Variants in DDAH1 observed in about 807,000 individuals in gnomAD.
DDAH1 encodes the protein dimethylarginine dimethylaminohydrolase 1, also known as N(G),N(G)-dimethylarginine dimethylaminohydrolase 1.
DDAH1 carries 19 observed loss-of-function variants against 28.8 expected under a neutral mutation model. The observed-to-expected ratio is 0.66, with a 90% confidence interval of 0.46 to 0.97. The LOEUF (loss-of-function observed/expected upper bound fraction) is 0.97. Ranked by LOEUF, DDAH1 falls within the 50% of genes least tolerant of loss-of-function variation. The pLI, the probability that DDAH1 is intolerant of heterozygous loss-of-function variation, is 0.00. For synonymous variants in DDAH1, 153 were observed against 154.4 expected (o/e 0.99, Z 0.07); for missense variants, 326 against 375.9 (o/e 0.87, Z 1.10).
intron 1 of DDAH1, among the ~76,000 whole-genome samples, chr1:85,453,533 C>T (rs1654757424): frequency 6.6e-6 from 1 of 152,192 alleles, no homozygotes; most frequent in Admixed American, 6.5e-5. Context: ...TAAGGGAATA[C>T]ATTCCACTCT....
intron 1 of DDAH1, among the ~76,000 whole-genome samples, chr1:85,499,895 C>T (rs1229841376): frequency 2.0e-5 from 3 of 152,152 alleles, no homozygotes; most frequent in Non-Finnish European, 4.4e-5. Context: ...CCACTTCTAG[C>T]ACTAGTCATT....
At chr1:85,415,079 A>T (rs1652833802) in intron 1 of DDAH1, among the ~76,000 whole-genome samples, 1 of 120,352 alleles carries the variant, frequency 8.3e-6, no homozygotes, top group African/African-American at 3.3e-5. Flanking sequence ...CAATGGTGCT[A>T]TCTCGGCTCA....
intron 1 of DDAH1, among the ~76,000 whole-genome samples, chr1:85,382,137 T>C (rs1202377510): frequency 6.6e-6 from 1 of 152,246 alleles, no homozygotes; most frequent in East Asian, 1.9e-4. Context: ...AGGCCTCTCA[T>C]GCCAGTTAGC....
chr1:85,367,558 A>AT (rs1203580092), intron 1 of DDAH1, among the ~76,000 whole-genome samples: 2 of 152,146 alleles, frequency 1.3e-5, no homozygotes, highest in Admixed American at 1.3e-4. Flanking sequence ...GTGCTAAGTG[A>AT]TTTTGCATGG....
At chr1:85,475,250 T>C (rs1655756116) in intron 2 of DDAH1, among the ~76,000 whole-genome samples, 1 of 152,196 alleles carries the variant, frequency 6.6e-6, no homozygotes, top group African/African-American at 2.4e-5. Context: ...AATGAGATGA[T>C]CCATGTAAAG....
In DDAH1 at chr1:85,357,207, A is replaced by G. The variant is rs1649534773; in HGVS notation, c.403+1541T>C. On this transcript the variant is annotated intron_variant, in intron 2 of 5. Transcript: ENST00000284031. ...AGTCTGCTTGGGCACACCCAGAGAT[A>G]AGAATGCAGCGTAGGCCTTCTTGAC... 2.6e-5 allele frequency among the ~76,000 whole-genome samples: 4 copies of G among 152,206 alleles called. No homozygotes were observed. The South Asian group carries it at 8.3e-4, about 31-fold the overall frequency.
chr1:85,330,546 T>G (rs369114933), intron 4 of DDAH1, among the ~76,000 whole-genome samples: 6 of 152,122 alleles, frequency 3.9e-5, no homozygotes. Flanking sequence ...ACCTAAACCC[T>G]CCACACGTCA....
At chr1:85,489,478 A>T (rs932904380) in intron 2 of DDAH1, among the ~76,000 whole-genome samples, 9 of 152,152 alleles carry the variant, frequency 5.9e-5, no homozygotes, top group South Asian at 4.1e-4. Flanking sequence ...GTGGGGTAAG[A>T]GTTTATTTTA....
At chr1:85,345,014 T>G (rs1258118567) in intron 4 of DDAH1, among the ~76,000 whole-genome samples, 6 of 152,172 alleles carry the variant, frequency 3.9e-5, no homozygotes. Context: ...AACATATATA[T>G]TTTTCCTAAA....
chr1:85,457,684 G>A (rs771714538), intron 1 of DDAH1, among the ~76,000 whole-genome samples: 8 of 152,104 alleles, frequency 5.3e-5, no homozygotes, highest in South Asian at 2.1e-4. Flanking sequence ...AAATAATGAC[G>A]ACAGAATCAA....
chr1:85,471,087 A>T (rs1158499202), intron 2 of DDAH1, among the ~76,000 whole-genome samples: 1 of 152,150 alleles, frequency 6.6e-6, no homozygotes, highest in Non-Finnish European at 1.5e-5. Flanking sequence ...GTTTTGGTGA[A>T]TGGGATATAC....
intron 1 of DDAH1, among the ~76,000 whole-genome samples, chr1:85,360,723 A>T (rs1375032779): frequency 6.6e-6 from 1 of 152,210 alleles, no homozygotes; most frequent in East Asian, 1.9e-4. Context: ...CAATTCTTAA[A>T]AGTTAGAGGA....
At chr1:85,556,337 C>A (rs1440819228) in intron 1 of DDAH1, among the ~76,000 whole-genome samples, 1 of 152,154 alleles carries the variant, frequency 6.6e-6, no homozygotes, top group Non-Finnish European at 1.5e-5. Context: ...ATTCCTTTCC[C>A]AAAGTATTAC....
chr1:85,487,135 C>T (rs1656232236), intron 2 of DDAH1, among the ~76,000 whole-genome samples: 1 of 152,294 alleles, frequency 6.6e-6, no homozygotes, highest in East Asian at 1.9e-4. Context: ...AAATGGATGA[C>T]TGGATCCTTT....
intron 4 of DDAH1, among the ~76,000 whole-genome samples, chr1:85,348,221 C>A (rs1648986231): frequency 6.6e-6 from 1 of 152,092 alleles, no homozygotes; most frequent in Non-Finnish European, 1.5e-5. Flanking sequence ...GAGAATTTGA[C>A]CATGGGAAGG....
intron 1 of DDAH1, among the ~76,000 whole-genome samples, chr1:85,574,161 T>C (rs572674925): frequency 2.0e-5 from 3 of 152,354 alleles, no homozygotes; most frequent in South Asian, 4.1e-4. Flanking sequence ...CAGCCTCTCA[T>C]AGATGGTTCC....
chr1:85,497,400 A>C (rs1337305906), intron 1 of DDAH1, among the ~76,000 whole-genome samples: 1 of 152,218 alleles, frequency 6.6e-6, no homozygotes, highest in African/African-American at 2.4e-5. Context: ...TTTAAAAAGA[A>C]AAGACAGCAG....
intron 2 of DDAH1, chr1:85,494,709 T>G (rs1361715): frequency 6.6e-6 from 1 of 152,100 alleles, no homozygotes; most frequent in African/African-American, 2.4e-5. Context: ...AGGGCATTTG[T>G]GTTTGGGAAG....
chr1:85,500,055 C>CTCTTT (rs202102288), intron 1 of DDAH1, among the ~76,000 whole-genome samples: 2,814 of 112,234 alleles, frequency 0.025, 114 homozygotes, highest in East Asian at 0.15. Flanking sequence ...TTCTTTCTCT[C>CTCTTT]TCTTTTCTTT....
Sources: gnomAD v4.1 joint callset for allele counts (sites outside exome capture counted in the v4.1 genomes callset) on GRCh38, gnomAD v4.1.1 for gene constraint, MANE v1.5 for transcripts, NCBI Gene and HGNC (gene_info 2026-07-23, HGNC 2026-07-21) for gene names.